The following STK3 variants were observed in gnomAD, a reference collection of about 807,000 sequenced individuals.
STK3 encodes the protein serine/threonine-protein kinase 3.
STK3 carries 41 observed loss-of-function variants against 58.0 expected under a neutral mutation model. The observed-to-expected ratio is 0.71, with a 90% CI of 0.55 to 0.92. The LOEUF (loss-of-function observed/expected upper bound fraction) is 0.92, where lower values mean the gene tolerates loss of function less well. Among genes scored for constraint, STK3 ranks in the 40% least tolerant of loss-of-function variants. The pLI is 0.00. For synonymous variants in STK3, 170 were observed against 191.0 expected, an observed-to-expected ratio of 0.89 and a Z score of 0.91; for missense variants, 479 against 602.7, an observed-to-expected ratio of 0.79 and a Z score of 2.15.
At chr8:98,617,198 G>C (rs1817817532) in intron 6 of STK3, among the ~76,000 whole-genome samples, 1 of 151,222 alleles carries the variant, frequency 6.6e-6, no homozygotes, top group Admixed American at 6.6e-5. Context: ...TGAACAACCT[G>C]CTCCTGAATG....
intron 10 of STK3, among the ~76,000 whole-genome samples, chr8:98,459,614 G>A (rs1037516644): frequency 1.3e-5 from 2 of 152,230 alleles, no homozygotes; most frequent in African/African-American, 4.8e-5. Flanking sequence ...CAGGCATGGA[G>A]GCCTAGGAGG....
chr8:98,376,650 A>G (rs1278250842), intron 2 of STK3, among the ~76,000 whole-genome samples: 1 of 152,170 alleles, frequency 6.6e-6, no homozygotes, highest in African/African-American at 2.4e-5. Context: ...TGTTCCATCT[A>G]CTCTAAAGGG....
chr8:98,398,223 C>A (rs1817912298), downstream of STK3, among the ~76,000 whole-genome samples: 1 of 152,110 alleles, frequency 6.6e-6, no homozygotes, highest in African/African-American at 2.4e-5. Context: ...GTTTCCAGAC[C>A]CGAGGCCATG....
At chr8:98,557,603 GTC>G (rs2131618095) in intron 8 of STK3, among the ~76,000 whole-genome samples, 1 of 152,158 alleles carries the variant, frequency 6.6e-6, no homozygotes, top group African/African-American at 2.4e-5. Context: ...CCACTTCAAT[GTC>G]TGACGGGCTG....
At chr8:98,426,358 G>A (rs889141462) in intron 3 of STK3, among the ~76,000 whole-genome samples, 1 of 152,120 alleles carries the variant, frequency 6.6e-6, no homozygotes, top group African/African-American at 2.4e-5. Flanking sequence ...CACAGACACT[G>A]AAAAGTCCTG....
At chr8:98,711,404 G>A (rs1020849423) in intron 4 of STK3, among the ~76,000 whole-genome samples, 5 of 152,032 alleles carry the variant, frequency 3.3e-5, no homozygotes, top group Admixed American at 1.3e-4. Context: ...TAGACAAATG[G>A]CTAACTAGAA....
At chr8:98,382,236 T>C (rs1162424997) in intron 1 of STK3, among the ~76,000 whole-genome samples, 1 of 152,160 alleles carries the variant, frequency 6.6e-6, no homozygotes, top group East Asian at 1.9e-4. Flanking sequence ...CAGATATGCT[T>C]CTCCCTGCCT....
At chr8:98,770,641 A>G (rs1172664841) in intron 2 of STK3, among the ~76,000 whole-genome samples, 1 of 152,230 alleles carries the variant, frequency 6.6e-6, no homozygotes, top group African/African-American at 2.4e-5. Flanking sequence ...GATATATATT[A>G]TAAGTGCCAT....
chr8:98,722,068 G>C (rs1281812712), intron 4 of STK3, among the ~76,000 whole-genome samples: 1 of 152,060 alleles, frequency 6.6e-6, no homozygotes, highest in African/African-American at 2.4e-5. Flanking sequence ...GGAACAGATA[G>C]AGGAAGTGGC....
At chr8:98,351,038 A>G in the STK3 span, among the ~76,000 whole-genome samples, 4 of 152,254 alleles carry the variant, frequency 2.6e-5, no homozygotes, top group Non-Finnish European at 5.9e-5. Flanking sequence ...GAAGAAAATG[A>G]AATAACATAT....
At chr8:98,764,906 G>A (rs184483983) in intron 3 of STK3, among the ~76,000 whole-genome samples, 65 of 152,270 alleles carry the variant, frequency 4.3e-4, no homozygotes, top group Non-Finnish European at 8.8e-5. Context: ...TGGATTTCTC[G>A]AGGCAATGGG....
At chr8:98,652,420 C>T (rs1043481499) in intron 6 of STK3, among the ~76,000 whole-genome samples, 5 of 152,134 alleles carry the variant, frequency 3.3e-5, no homozygotes, top group African/African-American at 4.8e-5. Flanking sequence ...GAAACTGCAT[C>T]AACTAACGAG....
At chr8:98,503,207 G>C (rs1193299276) in intron 10 of STK3, among the ~76,000 whole-genome samples, 1 of 152,146 alleles carries the variant, frequency 6.6e-6, no homozygotes. Context: ...GGTGTTTATA[G>C]TATTCTCTGA....
chr8:98,910,249 G>C (rs1035331333), intron 1 of STK3, among the ~76,000 whole-genome samples: 2 of 152,144 alleles, frequency 1.3e-5, no homozygotes, highest in Non-Finnish European at 2.9e-5. Context: ...ACATAGGTAT[G>C]TATTAATATA....
At chr8:98,769,006 T>C (rs905358675) in intron 2 of STK3, among the ~76,000 whole-genome samples, 9 of 152,224 alleles carry the variant, frequency 5.9e-5, no homozygotes, top group Non-Finnish European at 8.8e-5. Context: ...AGATCTTCAA[T>C]GCTGACTTCG....
chr8:98,533,786 C>A (rs1357453747), intron 9 of STK3, among the ~76,000 whole-genome samples: 1 of 152,144 alleles, frequency 6.6e-6, no homozygotes, highest in Non-Finnish European at 1.5e-5. Flanking sequence ...CACCATACCT[C>A]GCTGAGTTAT....
At chr8:98,738,604 C>T (rs1036191370) in intron 4 of STK3, among the ~76,000 whole-genome samples, 2 of 152,050 alleles carry the variant, frequency 1.3e-5, no homozygotes, top group Admixed American at 6.6e-5. Flanking sequence ...TTTCTGGATC[C>T]GGGAGCCAAG....
intron 1 of STK3, among the ~76,000 whole-genome samples, chr8:98,802,876 T>C (rs1466917418): frequency 6.6e-6 from 1 of 152,222 alleles, no homozygotes; most frequent in African/African-American, 2.4e-5. Flanking sequence ...GAACCATTTT[T>C]TAAATGTGAG....
chr8:98,870,230 T>A (rs936452521), intron 3 of STK3, among the ~76,000 whole-genome samples: 2 of 152,244 alleles, frequency 1.3e-5, no homozygotes, highest in African/African-American at 4.8e-5. Context: ...ATTTTCTTAA[T>A]CCAGTCTATC....
Sources: gnomAD v4.1 joint callset for allele counts (sites outside exome capture counted in the v4.1 genomes callset) on GRCh38, gnomAD v4.1.1 for gene constraint, MANE v1.5 for transcripts, NCBI Gene and HGNC (gene_info 2026-07-23, HGNC 2026-07-21) for gene names.